Variants in TPST1 observed in about 807,000 individuals in gnomAD.
TPST1 encodes the protein tyrosylprotein sulfotransferase 1, also known as protein-tyrosine sulfotransferase 1.
TPST1 carries 20 observed loss-of-function variants against 34.8 expected under a neutral mutation model. The observed-to-expected ratio is 0.57, with a 90% CI of 0.40 to 0.84. TPST1 has a LOEUF of 0.84. TPST1 is among the 40% of genes least tolerant of loss of function. TPST1 has a pLI of 0.00. For synonymous variants in TPST1, 152 were observed against 159.4 expected (o/e 0.95, Z 0.35); for missense variants, 353 against 455.5 (o/e 0.78, Z 2.05).
At chr7:66,213,692 G>A (rs1035684565) in intron 1 of TPST1, among the ~76,000 whole-genome samples, 4 of 151,504 alleles carry the variant, frequency 2.6e-5, no homozygotes, top group Non-Finnish European at 4.4e-5. Flanking sequence ...TGCAGTGAGC[G>A]GAGATCGTGC....
chr7:66,350,838 T>G (rs530463981), intron 3 of TPST1, among the ~76,000 whole-genome samples: 1 of 152,362 alleles, frequency 6.6e-6, no homozygotes, highest in East Asian at 1.9e-4. Flanking sequence ...AGTTTTTTTT[T>G]GCTGTTGCAA....
upstream of TPST1, among the ~76,000 whole-genome samples, chr7:66,203,176 CAT>C (rs1456770287): frequency 6.6e-6 from 1 of 151,810 alleles, no homozygotes; most frequent in Non-Finnish European, 1.5e-5. Context: ...CACCCACACA[CAT>C]ATATACACAC....
At chr7:66,313,893 T>A (rs1414979254) in intron 3 of TPST1, among the ~76,000 whole-genome samples, 1 of 152,176 alleles carries the variant, frequency 6.6e-6, no homozygotes, top group African/African-American at 2.4e-5. Flanking sequence ...CAGTCTAAGA[T>A]CACATCATAT....
At chr7:66,242,477 G>A (rs1015622921) in intron 2 of TPST1, among the ~76,000 whole-genome samples, 7 of 152,026 alleles carry the variant, frequency 4.6e-5, no homozygotes, top group African/African-American at 1.7e-4. Context: ...ACAGCTGCCT[G>A]CCTGTACCAA....
rs1790028218 is a variant in TPST1, at chr7:66,241,197, C to T, written c.772C>T (p.Gln258Ter). 6.2e-7 allele frequency: 1 copy of T among 1,614,026 alleles called. No homozygotes were observed. The highest frequency in any genetic ancestry group is 1.7e-5 in the Admixed American group (1 of 59,994). The part of the protein sequence containing the change: ...RWMRTLLKFL[Q>*]IPWNHSVLHH... Reference sequence around the variant, plus strand: ...GATGAGAACACTCTTAAAGTTCCTCCAGATTCCATGGAACCACTCAGTATT... The same window carrying T: ...GATGAGAACACTCTTAAAGTTCCTCTAGATTCCATGGAACCACTCAGTATT... The change falls in exon 2 of 6, where the codon CAG becomes TAG. Residue 258 changes from glutamine to a stop codon, truncating the protein, a stop_gained. Transcript: ENST00000304842. LOFTEE classifies it high-confidence loss of function.
intron 3 of TPST1, among the ~76,000 whole-genome samples, chr7:66,339,467 A>T (rs1792189692): frequency 6.6e-6 from 1 of 152,006 alleles, no homozygotes; most frequent in Non-Finnish European, 1.5e-5. Flanking sequence ...CAAAACAAAA[A>T]TTTTTTTGGA....
intron 3 of TPST1, among the ~76,000 whole-genome samples, chr7:66,294,653 T>C (rs1791155897): frequency 6.6e-6 from 1 of 151,890 alleles, no homozygotes; most frequent in Non-Finnish European, 1.5e-5. Context: ...ATATGAAACT[T>C]ACAAAATTCA....
At position 66,240,729 on chromosome 7, in the gene TPST1, A is replaced by C; in HGVS notation, c.304A>C (p.Arg102=). The part of the protein sequence containing the change: ...HPDIRCGEET[R]VIPRILALKQ... ...TGACATTCGCTGTGGAGAGGAAACC[A>C]GGGTCATTCCCCGAATCCTGGCCCT... Residue 102 remains arginine, a synonymous_variant, in exon 2 of 6, where the codon AGG becomes CGG. Transcript: ENST00000304842. 1 of 1,614,222 alleles carries C rather than the reference A, an allele frequency of 6.2e-7. No individual in the cohort carries two copies. The highest frequency in any genetic ancestry group is 8.5e-7 in the Non-Finnish European group (1 of 1,180,042).
At chr7:66,320,049 C>A (rs1791718467) in intron 3 of TPST1, among the ~76,000 whole-genome samples, 1 of 152,042 alleles carries the variant, frequency 6.6e-6, no homozygotes, top group South Asian at 2.1e-4. Flanking sequence ...CTAACCAAAA[C>A]CTGAATCATA....
chr7:66,240,097 C>T (rs759072799), intron 1 of TPST1, among the ~76,000 whole-genome samples: 23 of 151,932 alleles, frequency 1.5e-4, no homozygotes, highest in Admixed American at 2.6e-4. Flanking sequence ...CCGTGTTGGC[C>T]GGGATGGTCT....
chr7:66,272,058 A>AAGTCATTT (rs1177807842), intron 2 of TPST1, among the ~76,000 whole-genome samples: 9 of 152,164 alleles, frequency 5.9e-5, no homozygotes, highest in African/African-American at 2.2e-4. Context: ...ATACTTTTAC[A>AAGTCATTT]AGTCATTTTT....
chr7:66,250,208 T>C (rs1790234872), intron 2 of TPST1, among the ~76,000 whole-genome samples: 1 of 152,148 alleles, frequency 6.6e-6, no homozygotes, highest in Non-Finnish European at 1.5e-5. Context: ...ATATTTACCC[T>C]TTCACACTCA....
chr7:66,280,386 T>C (rs11561738), intron 2 of TPST1, among the ~76,000 whole-genome samples: 2,388 of 152,328 alleles, frequency 0.016, 61 homozygotes, highest in East Asian at 0.092. Context: ...TCGTGGCTAT[T>C]GTGAATGGGA....
intron 2 of TPST1, among the ~76,000 whole-genome samples, chr7:66,249,462 A>G (rs950316660): frequency 2.0e-5 from 3 of 152,194 alleles, no homozygotes; most frequent in Non-Finnish European, 4.4e-5. Flanking sequence ...TTTTGAAAAC[A>G]TCCTTACATT....
At chr7:66,339,062 A>C (rs1038136022) in intron 3 of TPST1, among the ~76,000 whole-genome samples, 1 of 151,592 alleles carries the variant, frequency 6.6e-6, no homozygotes, top group Admixed American at 6.6e-5. Flanking sequence ...TGTTTTTTTG[A>C]ATAGGTAATC....
chr7:66,355,532 A>C (rs1383686042), intron 4 of TPST1, among the ~76,000 whole-genome samples: 1 of 151,894 alleles, frequency 6.6e-6, no homozygotes, highest in East Asian at 1.9e-4. Flanking sequence ...ATAGATCATC[A>C]TCGTAAGGGA....
At chr7:66,257,562 CTCT>C (rs1412453524) in intron 2 of TPST1, among the ~76,000 whole-genome samples, 1 of 152,100 alleles carries the variant, frequency 6.6e-6, no homozygotes, top group Non-Finnish European at 1.5e-5. Flanking sequence ...GTCTAGTGAC[CTCT>C]TTTCGTGTTA....
intron 4 of TPST1, among the ~76,000 whole-genome samples, chr7:66,355,902 C>CA (rs573200695): frequency 0.059 from 3,301 of 56,294 alleles, 96 homozygotes; most frequent in Non-Finnish European, 0.075. Flanking sequence ...AAGACTCCAT[C>CA]AAAAAAAAAA....
At chr7:66,279,449 A>G (rs1790888332) in intron 2 of TPST1, among the ~76,000 whole-genome samples, 1 of 152,190 alleles carries the variant, frequency 6.6e-6, no homozygotes, top group African/African-American at 2.4e-5. Context: ...TATATCCAGT[A>G]AGGGGGTTAC....
Sources: allele counts gnomAD v4.1 joint callset (sites outside exome capture counted in the v4.1 genomes callset), GRCh38; gene constraint gnomAD v4.1.1; transcripts MANE v1.5; gene names NCBI Gene and HGNC (gene_info 2026-07-23, HGNC 2026-07-21).